The following PTPRD variants were observed in gnomAD, a reference collection of about 807,000 sequenced individuals.
The protein encoded by PTPRD is protein tyrosine phosphatase receptor type D.
PTPRD carries 34 observed loss-of-function variants against 214.5 expected under a neutral mutation model. The observed-to-expected ratio is 0.16, with a 90% CI of 0.12 to 0.21. The LOEUF is 0.21. Ranked by LOEUF, PTPRD falls within the 10% of genes least tolerant of loss-of-function variation. The pLI is 1.00. For synonymous variants in PTPRD, 1,128 were observed against 845.7 expected, an observed-to-expected ratio of 1.33 and a Z score of -5.79; for missense variants, 2,545 against 2,398.7, an observed-to-expected ratio of 1.06 and a Z score of -1.27.
At chr9:10,378,268 T>G (rs1330763429) in intron 2 of PTPRD, among the ~76,000 whole-genome samples, 2 of 152,050 alleles carry the variant, frequency 1.3e-5, no homozygotes, top group African/African-American at 2.4e-5. Flanking sequence ...GTGGGTTGTC[T>G]CTTTACTTTG....
chr9:10,286,721 C>A (rs538847484), intron 3 of PTPRD, among the ~76,000 whole-genome samples: 135 of 152,192 alleles, frequency 8.9e-4, no homozygotes, highest in Non-Finnish European at 1.1e-3. Flanking sequence ...GCTACAGCAT[C>A]CCAAGTAGCT....
intron 11 of PTPRD, among the ~76,000 whole-genome samples, chr9:8,893,670 G>A (rs1053871296): frequency 1.3e-5 from 2 of 152,108 alleles, no homozygotes; most frequent in African/African-American, 4.8e-5. Flanking sequence ...TGCAGTGGGG[G>A]ACCTCTTATG....
At chr9:9,439,310 C>A (rs4142434) in intron 8 of PTPRD, among the ~76,000 whole-genome samples, 134,411 of 152,098 alleles carry the variant, frequency 0.88, 59,674 homozygotes, top group African/African-American at 0.95. Flanking sequence ...TTCATTCATG[C>A]ATAACATACT....
chr9:8,324,097 T>G (rs147279156), intron 44 of PTPRD, among the ~76,000 whole-genome samples: 46 of 144,226 alleles, frequency 3.2e-4, no homozygotes, highest in African/African-American at 1.2e-3. Flanking sequence ...AGATGATGAT[T>G]AGCATTTTTT....
chr9:8,985,786 C>T (rs1173066903), intron 11 of PTPRD, among the ~76,000 whole-genome samples: 1 of 151,932 alleles, frequency 6.6e-6, no homozygotes, highest in South Asian at 2.1e-4. Flanking sequence ...GCACCTATAG[C>T]CTGAGGTTAA....
chr9:8,714,309 T>G (rs1487900763), intron 12 of PTPRD, among the ~76,000 whole-genome samples: 1 of 45,612 alleles, frequency 2.2e-5, no homozygotes, highest in Admixed American at 2.2e-4. Flanking sequence ...CTTATTGGGT[T>G]TTTTTTTGTT....
intron 35 of PTPRD, among the ~76,000 whole-genome samples, chr9:8,426,816 T>C (rs2094709690): frequency 6.6e-6 from 1 of 151,026 alleles, no homozygotes; most frequent in South Asian, 2.1e-4. Flanking sequence ...TTTTTTTTAA[T>C]GTGGGTGAAA....
intron 5 of PTPRD, among the ~76,000 whole-genome samples, chr9:9,880,054 C>G (rs1407948576): frequency 6.6e-6 from 1 of 152,102 alleles, no homozygotes; most frequent in Non-Finnish European, 1.5e-5. Context: ...AGGGGGGGAC[C>G]TATATCCCCA....
At chr9:8,379,400 G>A (rs183332323) in intron 37 of PTPRD, among the ~76,000 whole-genome samples, 1 of 152,166 alleles carries the variant, frequency 6.6e-6, no homozygotes, top group East Asian at 1.9e-4. Context: ...TCTGATTTTG[G>A]AGGGCTGAAT....
intron 9 of PTPRD, among the ~76,000 whole-genome samples, chr9:9,375,256 G>C (rs2060483584): frequency 6.6e-6 from 1 of 152,110 alleles, no homozygotes; most frequent in Non-Finnish European, 1.5e-5. Context: ...ATGAATAAGT[G>C]AATGAAATGT....
Position 9,814,717 on chromosome 9 carries a change from A to C in PTPRD, c.-367-47866T>G, listed in dbSNP as rs1324774873. Among the ~76,000 whole-genome samples the C allele has an allele frequency of 2.0e-5, 3 of 152,000 alleles. No homozygotes were observed. The East Asian group carries it at 5.8e-4, about 29-fold the overall frequency. ...TTCCACGCAATCCCTACCAAATTCC[A>C]ATAGCATTTTTCACAGAAATAAAAA... is the stretch of plus-strand genomic sequence containing the variant. On this transcript the variant is annotated intron_variant, in intron 5 of 45. Coordinates refer to ENST00000381196, the MANE Select transcript of PTPRD (RefSeq NM_002839.4).
intron 5 of PTPRD, among the ~76,000 whole-genome samples, chr9:9,811,036 G>A (rs1425330583): frequency 6.6e-6 from 1 of 151,982 alleles, no homozygotes; most frequent in African/African-American, 2.4e-5. Flanking sequence ...TCAGGAGTTT[G>A]AGACCAGCTT....
rs75376433 is a variant in PTPRD at position 9,079,155 on chromosome 9, C to G, written c.-142-60420G>C. Among the ~76,000 whole-genome samples the G allele has an allele frequency of 3.3e-5, 5 of 152,176 alleles. No individual in the cohort carries two copies. In the East Asian group the frequency reaches 9.7e-4, roughly 29 times the overall value. On this transcript the variant is annotated intron_variant, in intron 10 of 45. Transcript: ENST00000381196. The stretch of plus-strand genomic sequence containing the variant: ...CACAGAACACTATAACTTATTCTTG[C>G]TATCTAGATGTAATTTTGTATCCTT...
chr9:8,791,650 C>A (rs7873197), intron 11 of PTPRD, among the ~76,000 whole-genome samples: 1 of 150,078 alleles, frequency 6.7e-6, no homozygotes, highest in East Asian at 2.0e-4. Flanking sequence ...GGAGAGAAAT[C>A]CAAAGGAATT....
At chr9:9,814,013 T>A (rs572468812) in intron 5 of PTPRD, among the ~76,000 whole-genome samples, 12 of 152,218 alleles carry the variant, frequency 7.9e-5, no homozygotes, top group Admixed American at 2.6e-4. Context: ...GTCAATAAGT[T>A]TTGTACACTA....
intron 9 of PTPRD, among the ~76,000 whole-genome samples, chr9:9,365,230 G>GATCATA (rs1473673950): frequency 6.6e-6 from 1 of 151,510 alleles, no homozygotes; most frequent in Non-Finnish European, 1.5e-5. Context: ...TTAAGATCAT[G>GATCATA]TGTCTCTATT....
At chr9:9,039,293 A>T (rs2099631880) in intron 10 of PTPRD, among the ~76,000 whole-genome samples, 1 of 152,204 alleles carries the variant, frequency 6.6e-6, no homozygotes, top group South Asian at 2.1e-4. Flanking sequence ...AAACATTGGT[A>T]GCGGAGGAAT....
chr9:10,257,445 T>A (rs966476434), intron 3 of PTPRD, among the ~76,000 whole-genome samples: 8 of 152,068 alleles, frequency 5.3e-5, no homozygotes, highest in African/African-American at 1.9e-4. Flanking sequence ...AAAATCACCA[T>A]CAGAGAGAAA....
At chr9:8,816,383 CTT>C (rs1340948591) in intron 11 of PTPRD, among the ~76,000 whole-genome samples, 3 of 152,168 alleles carry the variant, frequency 2.0e-5, no homozygotes, top group African/African-American at 7.2e-5. Flanking sequence ...GCCAAGCACT[CTT>C]TTGATTGTTG....
Sources: allele counts gnomAD v4.1 joint callset (sites outside exome capture counted in the v4.1 genomes callset), GRCh38; gene constraint gnomAD v4.1.1; transcripts MANE v1.5; gene names NCBI Gene and HGNC (gene_info 2026-07-23, HGNC 2026-07-21).